Variants in LGMN observed in about 807,000 individuals in gnomAD.
LGMN encodes legumain.
LGMN carries 36 observed loss-of-function variants against 56.8 expected under a neutral mutation model. The observed-to-expected ratio is 0.63, with a 90% CI of 0.49 to 0.84. LGMN has a LOEUF of 0.84. Ranked by LOEUF, LGMN falls within the 40% of genes least tolerant of loss-of-function variation. LGMN has a pLI of 0.00. For missense variants in LGMN, 446 were observed against 556.1 expected (o/e 0.80, Z 1.99); for synonymous variants, 199 against 210.1 (o/e 0.95, Z 0.46).
intron 2 of LGMN, among the ~76,000 whole-genome samples, chr14:92,722,314 G>A (rs1890515885): frequency 6.6e-6 from 1 of 152,120 alleles, no homozygotes; most frequent in African/African-American, 2.4e-5. Flanking sequence ...GCTCACACCT[G>A]TAATTCTAGC....
intron 2 of LGMN, among the ~76,000 whole-genome samples, chr14:92,722,282 T>G (rs576056459): frequency 6.6e-6 from 1 of 152,060 alleles, no homozygotes; most frequent in South Asian, 2.1e-4. Context: ...AATTTAAAAA[T>G]GAAGTCAGGC....
intron 2 of LGMN, among the ~76,000 whole-genome samples, chr14:92,719,680 A>G (rs1027981597): frequency 1.3e-5 from 2 of 152,234 alleles, no homozygotes; most frequent in African/African-American, 2.4e-5. Flanking sequence ...CTTAAGTTTT[A>G]AAAAATAACA....
chr14:92,716,085 C>T (rs375753375), intron 5 of LGMN, 51 bp downstream of exon 5: 22 of 1,229,118 alleles, frequency 1.8e-5, no homozygotes, highest in South Asian at 1.5e-4. Flanking sequence ...ATTCTCTATA[C>T]GGGGGTCCCA....
intron 1 of LGMN, chr14:92,741,164 G>A (rs1253310405): frequency 1.3e-5 from 2 of 151,178 alleles, no homozygotes; most frequent in Non-Finnish European, 2.9e-5. Flanking sequence ...TCCAGCCTGG[G>A]CAACAGAGTA....
chr14:92,739,161 G>A (rs911324068), intron 1 of LGMN, among the ~76,000 whole-genome samples: 3 of 152,122 alleles, frequency 2.0e-5, no homozygotes, highest in African/African-American at 7.2e-5. Flanking sequence ...CCTCAAAGTA[G>A]CTACCTTACA....
intron 2 of LGMN, among the ~76,000 whole-genome samples, chr14:92,721,250 T>C (rs1739460835): frequency 6.6e-6 from 1 of 152,140 alleles, no homozygotes; most frequent in Non-Finnish European, 1.5e-5. Flanking sequence ...CAGGAGTCAG[T>C]GTCCAAGTGA....
intron 1 of LGMN, among the ~76,000 whole-genome samples, chr14:92,742,279 G>GT (rs1200352380): frequency 7.3e-6 from 1 of 137,442 alleles, no homozygotes; most frequent in Non-Finnish European, 1.6e-5. Flanking sequence ...ATGTCTTGCT[G>GT]TTTTTTGTTT....
At chr14:92,718,952 C>CCT (rs78143291) in intron 2 of LGMN, 108 bp from the exon 3 acceptor site, 68,122 of 658,486 alleles carry the variant, frequency 0.1, 5,869 homozygotes, top group African/African-American at 0.27. Flanking sequence ...TGAATCATCC[C>CCT]GTCGGTCAGG....
intron 1 of LGMN, among the ~76,000 whole-genome samples, chr14:92,745,829 C>CTTT (rs11463191): frequency 5.4e-5 from 8 of 147,664 alleles, no homozygotes; most frequent in African/African-American, 2.0e-4. Context: ...ATCTCATTTT[C>CTTT]TTTTTTTTTT....
intron 11 of LGMN, 114 bp downstream of exon 11, chr14:92,709,558 G>A (rs543118209): frequency 2.3e-6 from 2 of 857,832 alleles, no homozygotes; most frequent in Non-Finnish European, 3.7e-6. Context: ...GCTGGCTTCT[G>A]TCCCCCCATA....
At chr14:92,739,338 G>A (rs1376654676) in intron 1 of LGMN, among the ~76,000 whole-genome samples, 1 of 152,154 alleles carries the variant, frequency 6.6e-6, no homozygotes, top group Non-Finnish European at 1.5e-5. Flanking sequence ...TTGTGACTCT[G>A]CTGTTTTTGG....
At chr14:92,721,092 A>G (rs1890450386) in intron 2 of LGMN, among the ~76,000 whole-genome samples, 1 of 151,836 alleles carries the variant, frequency 6.6e-6, no homozygotes, top group Non-Finnish European at 1.5e-5. Context: ...GGGTCTCGCT[A>G]TGTTGCTTTG....
intron 2 of LGMN, among the ~76,000 whole-genome samples, chr14:92,723,633 T>G (rs1465366697): frequency 6.6e-6 from 1 of 152,158 alleles, no homozygotes; most frequent in African/African-American, 2.4e-5. Context: ...GCTGTTTAGC[T>G]CCACTGATAG....
At chr14:92,739,777 A>G (rs1891465860) in intron 1 of LGMN, among the ~76,000 whole-genome samples, 1 of 152,244 alleles carries the variant, frequency 6.6e-6, no homozygotes, top group Non-Finnish European at 1.5e-5. Context: ...GATCAATTAC[A>G]GTACAGCCTT....
chr14:92,712,904 C>T (rs770111996), intron 7 of LGMN, 33 bp from the exon 8 acceptor site: 20 of 1,600,500 alleles, frequency 1.2e-5, no homozygotes, highest in Non-Finnish European at 2.6e-6. Flanking sequence ...GAGCTCACCC[C>T]ATCCAGGTAC....
intron 2 of LGMN, among the ~76,000 whole-genome samples, chr14:92,724,848 C>T (rs1196416656): frequency 6.6e-5 from 10 of 152,178 alleles, no homozygotes; most frequent in Admixed American, 3.9e-4. Flanking sequence ...AATACATTGG[C>T]GTGCCCCATG....
intron 2 of LGMN, among the ~76,000 whole-genome samples, chr14:92,730,626 T>C (rs1891003693): frequency 6.6e-6 from 1 of 152,114 alleles, no homozygotes; most frequent in Non-Finnish European, 1.5e-5. Flanking sequence ...GTTGAAATGA[T>C]AATGGTTTGG....
intron 1 of LGMN, 112 bp downstream of exon 1, chr14:92,748,377 C>G (rs1891907491): frequency 6.6e-6 from 1 of 152,452 alleles, no homozygotes; most frequent in Non-Finnish European, 1.5e-5. Context: ...CAGAAAGGGA[C>G]GGGAAAAATG....
intron 11 of LGMN, among the ~76,000 whole-genome samples, chr14:92,707,031 G>A (rs1889467216): frequency 6.6e-6 from 1 of 152,156 alleles, no homozygotes; most frequent in Admixed American, 6.5e-5. Context: ...GCAGGGCACA[G>A]AGGGACTTTT....
Sources: allele counts gnomAD v4.1 joint callset (sites outside exome capture counted in the v4.1 genomes callset), GRCh38; gene constraint gnomAD v4.1.1; transcripts MANE v1.5; gene names NCBI Gene and HGNC (gene_info 2026-07-23, HGNC 2026-07-21).